HBG1: variants seen among roughly 807,000 people sequenced by gnomAD.
HBG1 encodes hemoglobin subunit gamma-1.
HBG1 carries 1 observed loss-of-function variant against 5.9 expected under a neutral mutation model. The observed-to-expected ratio is 0.17, with a 90% CI of 0.06 to 0.81. The LOEUF is 0.81. Among genes scored for constraint, HBG1 ranks in the 30% least tolerant of loss-of-function variants. HBG1 has a pLI of 0.73. For missense variants in HBG1, 57 were observed against 122.0 expected (o/e 0.47, Z 2.51); for synonymous variants, 19 against 50.5 (o/e 0.38, Z 2.64).
At chr11:5,248,723 G>T (rs1163523877) in intron 2 of HBG1, among the ~76,000 whole-genome samples, 1 of 151,266 alleles carries the variant, frequency 6.6e-6, no homozygotes, top group Non-Finnish European at 1.5e-5. Flanking sequence ...CCTGTATGTT[G>T]TAGGCTGAAG....
intron 2 of HBG1, among the ~76,000 whole-genome samples, chr11:5,248,747 C>A (rs2133608363): frequency 7.5e-6 from 1 of 132,628 alleles, no homozygotes; most frequent in East Asian, 2.0e-4. Flanking sequence ...TTAAAAGAAA[C>A]ACACGCTGAC....
chr11:5,248,764 ACACACACGCGCGCGCG>A (rs200428011), intron 2 of HBG1, among the ~76,000 whole-genome samples: 859 of 80,530 alleles, frequency 0.011, 13 homozygotes, highest in South Asian at 0.043. Context: ...TGACACACAC[ACACACACGCGCGCGCG>A]CACACACACA....
At chr11:5,248,778 GCGCA>G (rs146502005) in intron 2 of HBG1, among the ~76,000 whole-genome samples, 4 of 86,784 alleles carry the variant, frequency 4.6e-5, no homozygotes, top group East Asian at 2.5e-4. Flanking sequence ...ACACGCGCGC[GCGCA>G]CACACACACA....
chr11:5,248,387 G>A lies in HBG1; in HGVS notation c.416C>T (p.Ala139Val). ...ASWQKMVTAV[A>V]SALSSRYH ...GTGGTATCTGGAGGACAGGGCACTG[G>A]CCACTGCAGTCACCATCTTCTGCCA... Residue 139 changes from alanine (A) to valine (V), a missense_variant, in exon 3 of 3, where the codon GCC (alanine) becomes GTC (valine). By Grantham distance (64) the Ala-to-Val change is moderately conservative. Transcript: ENST00000330597. 1.2e-6 allele frequency: 2 copies of A among 1,614,106 alleles called. No homozygotes were observed. Among genetic ancestry groups the A allele is most frequent in the Non-Finnish European group, 1.7e-6 (2 of 1,179,990 alleles).
At chr11:5,248,762 A>ACACACACACGCGCGCGCG (rs61080176) in intron 2 of HBG1, among the ~76,000 whole-genome samples, 1 of 141,936 alleles carries the variant, frequency 7.0e-6, no homozygotes, top group Non-Finnish European at 1.5e-5. Flanking sequence ...GCTGACACAC[A>ACACACACACGCGCGCGCG]CACACACACG....
At position 5,248,318 on chromosome 11, in the gene HBG1, T is replaced by A. The variant is rs2133607791; in HGVS notation, c.*41A>T. Reference sequence around the variant, plus strand: ...TTTATTATTTGTATTGCTTGCAGAATAAAGCCTATCCTTGAAAGCTCTGAA... The same window carrying A: ...TTTATTATTTGTATTGCTTGCAGAAAAAAGCCTATCCTTGAAAGCTCTGAA... On this transcript the variant is annotated 3_prime_UTR_variant, in exon 3 of 3. Transcript: ENST00000330597. 6.2e-7 allele frequency: 1 copy of A among 1,611,184 alleles called. No homozygotes were observed. The highest frequency in any genetic ancestry group is 2.2e-5 in the East Asian group (1 of 44,836).
At chr11:5,248,735 C>T (rs978644925) in intron 2 of HBG1, among the ~76,000 whole-genome samples, 31 of 150,552 alleles carry the variant, frequency 2.1e-4, no homozygotes, top group Admixed American at 3.9e-4. Context: ...AGGCTGAAGA[C>T]GTTAAAAGAA....
chr11:5,249,032 C>G (rs376741482), intron 2 of HBG1, among the ~76,000 whole-genome samples: 1 of 139,262 alleles, frequency 7.2e-6, no homozygotes, highest in Admixed American at 7.1e-5. Flanking sequence ...TTTTAACGAC[C>G]ATACTTGTCC....
chr11:5,248,701 G>C (rs2187608), intron 2 of HBG1, among the ~76,000 whole-genome samples: 42,550 of 150,532 alleles, frequency 0.28, 6,489 homozygotes, highest in Non-Finnish European at 0.32. Context: ...CTATCTTCTT[G>C]CCACCATGAA....
At chr11:5,248,680 T>C (rs1847909803) in intron 2 of HBG1, among the ~76,000 whole-genome samples, 193 bp from the exon 3 acceptor site, 1 of 151,018 alleles carries the variant, frequency 6.6e-6, no homozygotes, top group Non-Finnish European at 1.5e-5. Flanking sequence ...CTGGCCATAA[T>C]TTAAATCTTG....
In HBG1 at chr11:5,248,283, G is replaced by A. The variant is rs1392238743; in HGVS notation, c.*76C>T. ...GAAGAAAATCATGTGTGATCTCTCA[G>A]CAGAATAGATTTATTATTTGTATTG... On this transcript the variant is annotated 3_prime_UTR_variant, in exon 3 of 3. Coordinates refer to ENST00000330597, the MANE Select transcript of HBG1 (RefSeq NM_000559.3). The A allele has an allele frequency of 5.1e-6, 8 of 1,578,260 alleles. No homozygotes were observed. Among genetic ancestry groups the A allele is most frequent in the Non-Finnish European group, 7.0e-6 (8 of 1,149,330 alleles).
rs374254303 is a variant in HBG1, at chr11:5,248,472, G to A, written c.331C>T (p.Leu111=). 1.0e-4 allele frequency: 165 copies of A among 1,612,940 alleles called. No homozygotes were observed. The highest frequency in any genetic ancestry group is 1.3e-4 in the Non-Finnish European group (154 of 1,179,286). The change falls in exon 3 of 3, where the codon CTG becomes TTG. Residue 111 remains leucine (L), a synonymous_variant. Coordinates refer to ENST00000330597, the MANE Select transcript of HBG1 (RefSeq NM_000559.3). ...AAATGGATTGCCAAAACGGTCACCA[G>A]CACATTTCCCAGGAGCTGTTGAGAT... is the stretch of plus-strand genomic sequence containing the variant. ...PENFKLLGNV[L]VTVLAIHFGK... is the part of the protein sequence containing the mutation.
intron 2 of HBG1, among the ~76,000 whole-genome samples, chr11:5,248,763 C>T (rs910834367): frequency 8.8e-5 from 7 of 79,594 alleles, no homozygotes; most frequent in Non-Finnish European, 1.6e-4. Context: ...CTGACACACA[C>T]ACACACACGC....
In HBG1 at chr11:5,248,337, C is replaced by G. The variant is rs1016055563; in HGVS notation, c.*22G>C. 10 of 1,613,460 alleles carry G rather than the reference C, an allele frequency of 6.2e-6. No homozygotes were observed. The highest frequency in any genetic ancestry group is 2.7e-5 in the African/African-American group (2 of 74,904). ...GCAGAATAAAGCCTATCCTTGAAAG[C>G]TCTGAATCATGGGCAGTGAGCTCAG... On this transcript the variant is annotated 3_prime_UTR_variant, in exon 3 of 3. Transcript: ENST00000330597.
At chr11:5,248,782 A>ACACACACGCGCGCGCG (rs1847912745) in intron 2 of HBG1, among the ~76,000 whole-genome samples, 2 of 146,242 alleles carry the variant, frequency 1.4e-5, no homozygotes, top group Non-Finnish European at 1.5e-5. Flanking sequence ...GCGCGCGCGC[A>ACACACACGCGCGCGCG]CACACACACA....
rs200811383 is a variant in HBG1 at position 5,249,016 on chromosome 11, G to T, written c.315+352C>A. ...CTGAGCCAATATATGCCTTCTGCCT[G>T]CATCTTTTTAACGACCATACTTGTC... On this transcript the variant is annotated intron_variant, in intron 2 of 2. Transcript: ENST00000330597. Among the ~76,000 whole-genome samples the T allele has an allele frequency of 4.9e-4, 69 of 142,162 alleles. 2 individuals carry two copies. The East Asian group carries it at 0.012, about 24-fold the overall frequency. 93.3% of individuals were successfully genotyped at this position (142,162 alleles called of 152,430 possible).
At chr11:5,248,987 TTGAC>T (rs1224538114) in intron 2 of HBG1, among the ~76,000 whole-genome samples, 1 of 145,432 alleles carries the variant, frequency 6.9e-6, no homozygotes, top group Non-Finnish European at 1.5e-5. Context: ...GTTCCCCACT[TTGAC>T]TGAGCCAATA....
At chr11:5,248,763 C>CAG in intron 2 of HBG1, among the ~76,000 whole-genome samples, 1 of 79,594 alleles carries the variant, frequency 1.3e-5, no homozygotes, top group African/African-American at 4.8e-5. Flanking sequence ...CTGACACACA[C>CAG]ACACACACGC....
At position 5,248,322 on chromosome 11, in the gene HBG1, G is replaced by A. The variant is rs1462404802; in HGVS notation, c.*37C>T. The A allele has an allele frequency of 2.5e-6, 4 of 1,611,244 alleles. No homozygotes were observed. The highest frequency in any genetic ancestry group is 1.3e-5 in the African/African-American group (1 of 74,884). Reference sequence around the variant, plus strand: ...TTATTTGTATTGCTTGCAGAATAAAGCCTATCCTTGAAAGCTCTGAATCAT... The same window carrying A: ...TTATTTGTATTGCTTGCAGAATAAAACCTATCCTTGAAAGCTCTGAATCAT... On this transcript the variant is annotated 3_prime_UTR_variant, in exon 3 of 3. Coordinates refer to ENST00000330597, the MANE Select transcript of HBG1 (RefSeq NM_000559.3).
Sources: gnomAD v4.1 joint callset for allele counts (sites outside exome capture counted in the v4.1 genomes callset) on GRCh38, gnomAD v4.1.1 for gene constraint, MANE v1.5 for transcripts, NCBI Gene and HGNC (gene_info 2026-07-23, HGNC 2026-07-21) for gene names.